RAPGEF5: variants seen among roughly 807,000 people sequenced by gnomAD.
RAPGEF5 encodes the protein Rap guanine nucleotide exchange factor 5.
Under a neutral mutation model 125.2 loss-of-function variants are expected in RAPGEF5, and 65 were observed. That is an observed-to-expected ratio of 0.52 (90% CI 0.43 to 0.64). The LOEUF (loss-of-function observed/expected upper bound fraction) is 0.64. Ranked by LOEUF, RAPGEF5 falls within the 30% of genes least tolerant of loss-of-function variation. The pLI is 0.00. For synonymous variants in RAPGEF5, 391 were observed against 385.9 expected, an observed-to-expected ratio of 1.01 and a Z score of -0.16; for missense variants, 958 against 1,048.1, an observed-to-expected ratio of 0.91 and a Z score of 1.19.
At chr7:22,332,562 A>G (rs541422352) in intron 1 of RAPGEF5, among the ~76,000 whole-genome samples, 2 of 152,346 alleles carry the variant, frequency 1.3e-5, no homozygotes, top group Admixed American at 6.5e-5. Flanking sequence ...ACATTTCTGT[A>G]GTAAAGATTC....
At chr7:22,160,655 C>T (rs759849102) in intron 13 of RAPGEF5, 40 bp from the exon 14 acceptor site, 1 of 1,503,050 alleles carries the variant, frequency 6.7e-7, no homozygotes, top group Non-Finnish European at 8.8e-7. Flanking sequence ...TGGTTGAATG[C>T]CCATTTTGTA....
At chr7:22,210,666 C>T (rs1562763254) in intron 9 of RAPGEF5, among the ~76,000 whole-genome samples, 1 of 152,144 alleles carries the variant, frequency 6.6e-6, no homozygotes, top group Non-Finnish European at 1.5e-5. Context: ...TTGCCTCAGT[C>T]GTGCCCAGTC....
intron 18 of RAPGEF5, among the ~76,000 whole-genome samples, chr7:22,148,074 G>A (rs183990720): frequency 3.0e-4 from 46 of 152,266 alleles, no homozygotes; most frequent in Non-Finnish European, 5.6e-4. Context: ...CCCCAGTGTA[G>A]GGCACAGTGT....
chr7:22,305,936 T>G (rs540174935), intron 5 of RAPGEF5, among the ~76,000 whole-genome samples: 4 of 152,264 alleles, frequency 2.6e-5, no homozygotes, highest in Non-Finnish European at 5.9e-5. Context: ...TACCACGTTT[T>G]CTTTATCCAT....
intron 23 of RAPGEF5, among the ~76,000 whole-genome samples, chr7:22,135,026 T>C (rs941182936): frequency 6.6e-6 from 1 of 152,218 alleles, no homozygotes; most frequent in African/African-American, 2.4e-5. Flanking sequence ...ACAATAATTT[T>C]CCAAGCTCTG....
intron 6 of RAPGEF5, among the ~76,000 whole-genome samples, chr7:22,289,023 G>T (rs1163183796): frequency 6.6e-6 from 1 of 152,124 alleles, no homozygotes; most frequent in Non-Finnish European, 1.5e-5. Flanking sequence ...AAATTCCACA[G>T]CTAGAATACA....
rs372387692 is a variant in RAPGEF5 at position 22,167,126 on chromosome 7, A to G, written c.1227T>C (p.Leu409=). The change falls in exon 12 of 26, where the codon CTT becomes CTC. Residue 409 remains leucine (L), a synonymous_variant. Coordinates refer to ENST00000665637, the MANE Select transcript of RAPGEF5 (RefSeq NM_012294.5). ...KETETLLDDF[L]LTYTVFMTTD... Reference sequence around the variant, plus strand: ...TTGTCATGAAGACAGTGTACGTGAGAAGGAAGTCATCCAGGAGGGTCTCTG... The same window carrying G: ...TTGTCATGAAGACAGTGTACGTGAGGAGGAAGTCATCCAGGAGGGTCTCTG... The G allele has an allele frequency of 7.4e-6, 12 of 1,613,148 alleles. 2 individuals are homozygous for G. The African/African-American group carries it at 1.6e-4, about 22-fold the overall frequency.
chr7:22,300,893 A>T (rs1783182303), intron 5 of RAPGEF5, among the ~76,000 whole-genome samples: 1 of 152,076 alleles, frequency 6.6e-6, no homozygotes, highest in South Asian at 2.1e-4. Context: ...ACAGGGACCC[A>T]TTTTCCTGAT....
At chr7:22,313,670 A>C (rs1783524369) in intron 3 of RAPGEF5, among the ~76,000 whole-genome samples, 1 of 152,232 alleles carries the variant, frequency 6.6e-6, no homozygotes, top group East Asian at 1.9e-4. Flanking sequence ...GATCCAATAA[A>C]GGAGGAAAAA....
chr7:22,326,437 C>T (rs747600293), intron 1 of RAPGEF5, among the ~76,000 whole-genome samples: 1 of 152,218 alleles, frequency 6.6e-6, no homozygotes, highest in African/African-American at 2.4e-5. Flanking sequence ...AGCAGAGTTA[C>T]ATAATGGCCA....
chr7:22,271,798 C>A (rs1309153744), intron 6 of RAPGEF5, among the ~76,000 whole-genome samples: 1 of 152,154 alleles, frequency 6.6e-6, no homozygotes, highest in African/African-American at 2.4e-5. Context: ...CACAAAATAG[C>A]CTTGACATTC....
intron 8 of RAPGEF5, among the ~76,000 whole-genome samples, chr7:22,223,709 A>G (rs1785847057): frequency 6.6e-6 from 1 of 152,220 alleles, no homozygotes; most frequent in South Asian, 2.1e-4. Context: ...CAGGAGAGAC[A>G]GTGAAATACA....
chr7:22,240,951 T>A (rs140543253), intron 7 of RAPGEF5, among the ~76,000 whole-genome samples: 1 of 152,198 alleles, frequency 6.6e-6, no homozygotes, highest in African/African-American at 2.4e-5. Flanking sequence ...GGCCATCTCA[T>A]TTAGCCCCTC....
At position 22,162,915 on chromosome 7, in the gene RAPGEF5, T is replaced by G. The variant is rs1254619738; in HGVS notation, c.1284-374A>C. On this transcript the variant is annotated intron_variant, in intron 12 of 25. Coordinates refer to ENST00000665637, the MANE Select transcript of RAPGEF5 (RefSeq NM_012294.5). ...CACAGGTGAATACTATTTCAATACA[T>G]TTTAGGTCAGAATGAGGCCAGATGC... 25 of 460,798 alleles carry G rather than the reference T, an allele frequency of 5.4e-5. No homozygotes were observed. In the East Asian group the frequency reaches 1.7e-3, roughly 32 times the overall value. 28.5% of individuals were successfully genotyped at this position (460,798 alleles called of 1,614,324 possible).
chr7:22,159,147 T>A (rs188409681), intron 14 of RAPGEF5, among the ~76,000 whole-genome samples: 38 of 152,338 alleles, frequency 2.5e-4, no homozygotes, highest in Admixed American at 2.4e-3. Context: ...GACAAGGTTG[T>A]CCTTTTTTTC....
At chr7:22,209,383 T>C (rs1408984740) in intron 9 of RAPGEF5, among the ~76,000 whole-genome samples, 1 of 152,192 alleles carries the variant, frequency 6.6e-6, no homozygotes, top group Non-Finnish European at 1.5e-5. Context: ...TGTAAATCAA[T>C]ACCTACTTGG....
At position 22,308,449 on chromosome 7, in the gene RAPGEF5, T is replaced by C. The variant is rs1050926857; in HGVS notation, c.570A>G (p.Glu190=). ...TYVFYQFSSD[E]CSYLYCEFER... is the part of the protein sequence containing the mutation. ...CAAATTCACAGTACAAGTAGCTACA[T>C]TCATCAGAGGAAAACTGGTAGAAAA... The change falls in exon 5 of 26, where the codon GAA becomes GAG. Residue 190 remains glutamate (E), a synonymous_variant. Transcript: ENST00000665637. 6.3e-6 allele frequency: 10 copies of C among 1,575,566 alleles called. No homozygotes were observed. The highest frequency in any genetic ancestry group is 8.6e-6 in the Non-Finnish European group (10 of 1,158,642).
At chr7:22,355,148 CA>C (rs2128390503) in intron 1 of RAPGEF5, among the ~76,000 whole-genome samples, 1 of 151,952 alleles carries the variant, frequency 6.6e-6, no homozygotes, top group East Asian at 1.9e-4. Flanking sequence ...TGGAAAGTCC[CA>C]AAAAGAAATA....
intron 5 of RAPGEF5, 126 bp from the exon 6 acceptor site, chr7:22,291,367 A>C: frequency 7.2e-7 from 1 of 1,395,940 alleles, no homozygotes; most frequent in Non-Finnish European, 9.4e-7. Context: ...TCATGAAAAT[A>C]ACAAAGGTTG....
Sources: allele counts gnomAD v4.1 joint callset (sites outside exome capture counted in the v4.1 genomes callset), GRCh38; gene constraint gnomAD v4.1.1; transcripts MANE v1.5; gene names NCBI Gene and HGNC (gene_info 2026-07-23, HGNC 2026-07-21).